Variants in PRPF39 observed in about 807,000 individuals in gnomAD.
The protein encoded by PRPF39 is pre-mRNA processing factor 39, also known as pre-mRNA-processing factor 39.
A neutral mutation model predicts 82.1 loss-of-function variants in PRPF39; 27 were observed. That is an observed-to-expected ratio of 0.33 (90% CI 0.24 to 0.45). The LOEUF is 0.45. Ranked by LOEUF, PRPF39 falls within the 20% of genes least tolerant of loss-of-function variation. The pLI is 1.00. For synonymous variants in PRPF39, 261 were observed against 256.4 expected, an observed-to-expected ratio of 1.02 and a Z score of -0.17; for missense variants, 581 against 796.9, an observed-to-expected ratio of 0.73 and a Z score of 3.26.
At position 45,114,499 on chromosome 14, in the gene PRPF39, A is replaced by G. The variant is rs1408862545; in HGVS notation, c.1838A>G (p.Glu613Gly). 13 of 1,575,984 alleles carry G rather than the reference A, an allele frequency of 8.2e-6. No individual in the cohort carries two copies. The highest frequency in any genetic ancestry group is 1.0e-5 in the Non-Finnish European group (12 of 1,168,660). Residue 613 changes from glutamate to glycine, a missense_variant, in exon 13 of 14, where the codon GAA (glutamate) becomes GGA (glycine). By Grantham distance (98) the Glu-to-Gly change is moderately conservative. Transcript: ENST00000355765. ...SLKRKAENGS[E>G]EPEEKKAHTE... ...CATTCTGACGTTTTATATAGATCAG[A>G]AGAACCAGAGGAAAAGAAAGCACAT...
chr14:45,085,907 A>G (rs950904772), intron 1 of PRPF39, among the ~76,000 whole-genome samples: 2 of 152,076 alleles, frequency 1.3e-5, no homozygotes, highest in Admixed American at 6.6e-5. Context: ...ATAATTTTTA[A>G]GTACCTCTAC....
At chr14:45,113,468 C>A (rs1019267947) in intron 11 of PRPF39, among the ~76,000 whole-genome samples, 2 of 152,094 alleles carry the variant, frequency 1.3e-5, no homozygotes, top group African/African-American at 4.8e-5. Context: ...CATTGTGGAG[C>A]GAGGACTGAA....
chr14:45,093,699 G>C (rs1418668034), intron 1 of PRPF39, among the ~76,000 whole-genome samples: 1 of 151,926 alleles, frequency 6.6e-6, no homozygotes, highest in African/African-American at 2.4e-5. Context: ...GGGATTACAG[G>C]CATGTGCCAC....
At chr14:45,097,088 GCTGGAAGTTTAA>G in intron 4 of PRPF39, 83 bp downstream of exon 4, 1 of 1,420,772 alleles carries the variant, frequency 7.0e-7, no homozygotes, top group Non-Finnish European at 9.2e-7. Flanking sequence ...TGAAAGCTAA[GCTGGAAGTTTAA>G]CTTCTATTCC....
chr14:45,089,822 T>C (rs185583120), intron 1 of PRPF39, among the ~76,000 whole-genome samples: 1 of 152,380 alleles, frequency 6.6e-6, no homozygotes, highest in Admixed American at 6.5e-5. Context: ...ATAAATAATA[T>C]GTTGGAGTAA....
At chr14:45,101,035 A>G (rs1884357859) in intron 4 of PRPF39, among the ~76,000 whole-genome samples, 1 of 152,298 alleles carries the variant, frequency 6.6e-6, no homozygotes, top group Admixed American at 6.5e-5. Context: ...ACTCACACAC[A>G]TTGATCTCTT....
intron 11 of PRPF39, among the ~76,000 whole-genome samples, chr14:45,113,454 A>G (rs1163255237): frequency 6.6e-6 from 1 of 152,228 alleles, no homozygotes; most frequent in Non-Finnish European, 1.5e-5. Context: ...TGTAGCTATT[A>G]TCACATTGTG....
chr14:45,114,218 T>C lies in PRPF39; in HGVS notation c.1793T>C (p.Leu598Pro). 1 of 1,604,168 alleles carries C rather than the reference T, an allele frequency of 6.2e-7. No homozygotes were observed. The highest frequency in any genetic ancestry group is 1.1e-5 in the South Asian group (1 of 89,572). ...GCTTATGATGAACATCAAACACTCC[T>C]GAAAGAACAGGATTCTTTAAAAAGG... ...LNAYDEHQTL[L>P]KEQDSLKRKA... is the part of the protein sequence containing the mutation. Residue 598 changes from leucine to proline, a missense_variant, in exon 12 of 14, where the codon CTG becomes CCG. Physicochemically the swap from Leu to Pro is moderately conservative, Grantham distance 98. Coordinates refer to ENST00000355765, the MANE Select transcript of PRPF39 (RefSeq NM_017922.4).
chr14:45,102,082 C>T (rs1467425766), intron 4 of PRPF39, among the ~76,000 whole-genome samples: 2 of 152,134 alleles, frequency 1.3e-5, no homozygotes, highest in African/African-American at 4.8e-5. Context: ...GCTGCGATTA[C>T]AGGCATGAGC....
At chr14:45,087,143 A>G (rs1883856895) in intron 1 of PRPF39, among the ~76,000 whole-genome samples, 1 of 152,224 alleles carries the variant, frequency 6.6e-6, no homozygotes, top group African/African-American at 2.4e-5. Flanking sequence ...TCTGTCGCCC[A>G]GGTTGAAGTG....
chr14:45,087,448 G>C (rs889222490), intron 1 of PRPF39, among the ~76,000 whole-genome samples: 1 of 152,050 alleles, frequency 6.6e-6, no homozygotes, highest in African/African-American at 2.4e-5. Flanking sequence ...TGTATACATC[G>C]TGGGATAGGG....
At chr14:45,109,069 C>T (rs1017933668) in intron 7 of PRPF39, among the ~76,000 whole-genome samples, 1 of 152,142 alleles carries the variant, frequency 6.6e-6, no homozygotes. Context: ...ACCCCTACCT[C>T]CTCAGCTGCG....
At chr14:45,084,777 A>G (rs1191911724) in intron 1 of PRPF39, among the ~76,000 whole-genome samples, 1 of 152,202 alleles carries the variant, frequency 6.6e-6, no homozygotes, top group African/African-American at 2.4e-5. Flanking sequence ...GAAAAAACAC[A>G]TCATTGATCC....
intron 7 of PRPF39, 104 bp downstream of exon 7, chr14:45,108,626 A>G (rs1000427663): frequency 1.4e-5 from 19 of 1,380,400 alleles, no homozygotes; most frequent in Non-Finnish European, 1.8e-5. Context: ...TTATTTTTGC[A>G]TATTTAAGCC....
At chr14:45,090,059 A>G (rs1883971573) in intron 1 of PRPF39, among the ~76,000 whole-genome samples, 1 of 152,240 alleles carries the variant, frequency 6.6e-6, no homozygotes. Context: ...AGAATAGGGT[A>G]GCTAGTTAAT....
At chr14:45,101,105 C>A (rs1422481654) in intron 4 of PRPF39, among the ~76,000 whole-genome samples, 3 of 152,124 alleles carry the variant, frequency 2.0e-5, no homozygotes, top group Admixed American at 6.5e-5. Context: ...CAGTGCCAAA[C>A]GTGTAATTAC....
At position 45,096,218 on chromosome 14, in the gene PRPF39, C is replaced by T. The variant is rs774567398; in HGVS notation, c.440C>T (p.Pro147Leu). 1 of 1,593,874 alleles carries T rather than the reference C, an allele frequency of 6.3e-7. No individual in the cohort carries two copies. The highest frequency in any genetic ancestry group is 2.3e-5 in the East Asian group (1 of 44,242). ...DLEKRHDNIK[P>L]SDEVYRRGLQ... ...GAAAAGCGGCACGACAACATTAAAC[C>T]ATCAGATGAGGTGCGTACATCACTG... Residue 147 changes from proline to leucine, a missense_variant, in exon 3 of 14, where the codon CCA (proline) becomes CTA (leucine). Transcript: ENST00000355765.
intron 5 of PRPF39, among the ~76,000 whole-genome samples, chr14:45,106,313 C>T (rs979871149): frequency 6.6e-6 from 1 of 152,124 alleles, no homozygotes; most frequent in African/African-American, 2.4e-5. Flanking sequence ...AGAACGATTG[C>T]ACTCTAGCCT....
intron 2 of PRPF39, 33 bp from the exon 3 acceptor site, chr14:45,096,070 C>A: frequency 6.7e-7 from 1 of 1,488,136 alleles, no homozygotes; most frequent in Non-Finnish European, 9.0e-7. Flanking sequence ...CAGAAATTTC[C>A]ACAATATTTA....
Sources: gnomAD v4.1 joint callset for allele counts (sites outside exome capture counted in the v4.1 genomes callset) on GRCh38, gnomAD v4.1.1 for gene constraint, MANE v1.5 for transcripts, NCBI Gene and HGNC (gene_info 2026-07-23, HGNC 2026-07-21) for gene names.